RBFOX1: variants seen among roughly 807,000 people sequenced by gnomAD.
RBFOX1 encodes RNA binding fox-1 homolog 1, also known as RNA binding protein fox-1 homolog 1.
In RBFOX1, 8 loss-of-function variants were observed where a neutral mutation model predicts 57.7. The ratio of observed to expected loss-of-function variants is 0.14; its 90% CI spans 0.08 to 0.25. The LOEUF is 0.25. Ranked by LOEUF, RBFOX1 falls within the 10% of genes least tolerant of loss-of-function variation. The probability of loss-of-function intolerance (pLI) is 1.00; values close to 1 mark genes in which losing one functional copy is unlikely to be tolerated. For missense variants in RBFOX1, 611 were observed against 548.5 expected (o/e 1.11, Z -1.14); for synonymous variants, 326 against 222.4 (o/e 1.47, Z -4.15).
intron 1 of RBFOX1, among the ~76,000 whole-genome samples, chr16:5,337,261 A>G (rs917877672): frequency 1.3e-5 from 2 of 152,284 alleles, no homozygotes; most frequent in East Asian, 1.9e-4. Context: ...ATGATGGCCT[A>G]TTGGGATGTG....
chr16:6,619,119 C>G (rs537109284), intron 2 of RBFOX1, among the ~76,000 whole-genome samples: 6 of 152,080 alleles, frequency 3.9e-5, no homozygotes, highest in East Asian at 1.9e-4. Flanking sequence ...ACACTTAACA[C>G]ACACATGGTA....
chr16:5,253,437 C>T (rs1176092223), intron 1 of RBFOX1, among the ~76,000 whole-genome samples: 3 of 152,162 alleles, frequency 2.0e-5, no homozygotes, highest in Non-Finnish European at 4.4e-5. Context: ...CAGGCGTGAG[C>T]CACCATGCCT....
At chr16:7,214,378 G>C (rs1294402909) in intron 4 of RBFOX1, among the ~76,000 whole-genome samples, 1 of 152,090 alleles carries the variant, frequency 6.6e-6, no homozygotes, top group Non-Finnish European at 1.5e-5. Context: ...GGGTGCTCAA[G>C]CTAAACACTT....
At chr16:7,511,736 A>G (rs927760155) in intron 4 of RBFOX1, among the ~76,000 whole-genome samples, 2 of 152,178 alleles carry the variant, frequency 1.3e-5, no homozygotes, top group Non-Finnish European at 2.9e-5. Context: ...GGTTTCCATC[A>G]TCCTGCTGTC....
At chr16:7,466,648 G>T (rs1482085888) in intron 4 of RBFOX1, among the ~76,000 whole-genome samples, 1 of 152,162 alleles carries the variant, frequency 6.6e-6, no homozygotes, top group Non-Finnish European at 1.5e-5. Context: ...AGCAAGGCAT[G>T]TTACTTTCTG....
chr16:6,636,392 G>A (rs902047476), intron 2 of RBFOX1, among the ~76,000 whole-genome samples: 4 of 151,974 alleles, frequency 2.6e-5, no homozygotes, highest in Admixed American at 1.3e-4. Flanking sequence ...GGATGGTCTC[G>A]ATCTCCTGAC....
intron 1 of RBFOX1, among the ~76,000 whole-genome samples, chr16:5,317,788 T>C (rs2064283524): frequency 6.6e-6 from 1 of 152,232 alleles, no homozygotes; most frequent in Non-Finnish European, 1.5e-5. Context: ...TAACATAATA[T>C]TTGCCATTTA....
At chr16:5,865,071 G>C (rs916987376) in intron 3 of RBFOX1, among the ~76,000 whole-genome samples, 2 of 152,146 alleles carry the variant, frequency 1.3e-5, no homozygotes, top group Non-Finnish European at 2.9e-5. Flanking sequence ...AATGACACAA[G>C]GTTAGGAAAC....
At chr16:7,657,789 C>A (rs1316091167) in intron 12 of RBFOX1, among the ~76,000 whole-genome samples, 1 of 152,062 alleles carries the variant, frequency 6.6e-6, no homozygotes, top group African/African-American at 2.4e-5. Flanking sequence ...AGTTGTGGAC[C>A]ATGGTGGGAT....
chr16:7,379,158 A>C (rs2097740325), intron 4 of RBFOX1, among the ~76,000 whole-genome samples: 1 of 152,200 alleles, frequency 6.6e-6, no homozygotes, highest in Admixed American at 6.5e-5. Flanking sequence ...GGATAGCAGT[A>C]AACTCTCTTT....
At chr16:6,622,585 T>A (rs2098249091) in intron 2 of RBFOX1, among the ~76,000 whole-genome samples, 1 of 152,136 alleles carries the variant, frequency 6.6e-6, no homozygotes, top group Non-Finnish European at 1.5e-5. Context: ...GTATCCTGAC[T>A]CTTAAAGCAA....
At chr16:6,790,120 T>A (rs1035401407) in intron 3 of RBFOX1, among the ~76,000 whole-genome samples, 1 of 149,284 alleles carries the variant, frequency 6.7e-6, no homozygotes, top group Non-Finnish European at 1.5e-5. Flanking sequence ...TGAATTTTCT[T>A]CTGGTTCTGA....
intron 4 of RBFOX1, among the ~76,000 whole-genome samples, chr16:7,070,973 C>T (rs968168868): frequency 2.0e-5 from 3 of 152,132 alleles, no homozygotes; most frequent in Non-Finnish European, 2.9e-5. Context: ...AGCAATTTTG[C>T]CCAGAGTGGC....
intron 2 of RBFOX1, among the ~76,000 whole-genome samples, chr16:6,364,525 C>G (rs756645063): frequency 1.3e-5 from 2 of 152,202 alleles, no homozygotes; most frequent in African/African-American, 2.4e-5. Flanking sequence ...TACCTTTCAG[C>G]TGGCCATTTT....
At chr16:6,465,406 T>C (rs555864228) in intron 2 of RBFOX1, among the ~76,000 whole-genome samples, 20 of 152,322 alleles carry the variant, frequency 1.3e-4, no homozygotes, top group Non-Finnish European at 2.6e-4. Flanking sequence ...GATTTGATAC[T>C]ACCCTTTAGT....
chr16:6,438,815 G>GT (rs78840702), intron 2 of RBFOX1, among the ~76,000 whole-genome samples: 7,154 of 152,158 alleles, frequency 0.047, 452 homozygotes, highest in African/African-American at 0.14. Flanking sequence ...CATGATAAGT[G>GT]TTTTTTCTGT....
In RBFOX1 at chr16:6,212,728, C is replaced by CAA. The variant is rs1555553887; in HGVS notation, c.-126-104258_-126-104257dup. Among the ~76,000 whole-genome samples the CAA allele has an allele frequency of 3.5e-3, 516 of 145,412 alleles. 2 individuals carry two copies. Among genetic ancestry groups the CAA allele is most frequent in the African/African-American group, 0.011 (442 of 40,248 alleles). Reference sequence around the variant, plus strand: ...TCAAAAAAACAAACAAACAAACAAACAAAAAAAAAACCCACTAATATGATA... The same window carrying CAA: ...TCAAAAAAACAAACAAACAAACAAACAAAAAAAAAAAACCCACTAATATGATA... On this transcript the variant is annotated intron_variant, in intron 1 of 15. Transcript: ENST00000550418.
chr16:6,209,099 T>C (rs970937381), intron 1 of RBFOX1, among the ~76,000 whole-genome samples: 3 of 152,156 alleles, frequency 2.0e-5, no homozygotes, highest in African/African-American at 7.2e-5. Context: ...GAGGACAACA[T>C]AGAAAGCAGG....
At chr16:7,099,217 C>T (rs888412019) in intron 4 of RBFOX1, among the ~76,000 whole-genome samples, 2 of 152,064 alleles carry the variant, frequency 1.3e-5, no homozygotes, top group African/African-American at 2.4e-5. Context: ...CTTCTGCATA[C>T]GTGTGGATGT....
Sources: allele counts gnomAD v4.1 joint callset (sites outside exome capture counted in the v4.1 genomes callset), GRCh38; gene constraint gnomAD v4.1.1; transcripts MANE v1.5; gene names NCBI Gene and HGNC (gene_info 2026-07-23, HGNC 2026-07-21).